The following KALRN variants were observed in gnomAD, a reference collection of about 807,000 sequenced individuals.
KALRN encodes the protein kalirin.
Under a neutral mutation model 353.7 loss-of-function variants are expected in KALRN, and 70 were observed. That is an observed-to-expected ratio of 0.20 (90% confidence interval 0.16 to 0.24). KALRN has a LOEUF of 0.24. Among genes scored for constraint, KALRN ranks in the 10% least tolerant of loss-of-function variants. The pLI is 1.00. For missense variants in KALRN, 2,791 were observed against 3,756.7 expected, an observed-to-expected ratio of 0.74 and a Z score of 6.72; for synonymous variants, 1,391 against 1,434.8, an observed-to-expected ratio of 0.97 and a Z score of 0.69.
intron 10 of KALRN, among the ~76,000 whole-genome samples, chr3:124,350,827 A>G (rs557649810): frequency 6.6e-6 from 1 of 152,342 alleles, no homozygotes; most frequent in East Asian, 1.9e-4. Context: ...TCTGAAAAGG[A>G]GAAAAGCAGA....
At chr3:124,052,236 T>A (rs144855153) in intron 1 of KALRN, among the ~76,000 whole-genome samples, 148 of 152,316 alleles carry the variant, frequency 9.7e-4, no homozygotes, top group African/African-American at 3.3e-3. Context: ...TTGGGGAGGA[T>A]CATCCTGACA....
intron 50 of KALRN, 24 bp downstream of exon 50, chr3:124,678,337 C>T (rs757232026): frequency 2.5e-5 from 41 of 1,610,634 alleles, no homozygotes; most frequent in Middle Eastern, 1.6e-4. Flanking sequence ...TCCGGAGCTG[C>T]GTCCCCACCT....
intron 33 of KALRN, chr3:124,562,620 C>CGCCG: frequency 1.0e-4 from 37 of 357,530 alleles, no homozygotes; most frequent in South Asian, 2.4e-4. Context: ...TAGCACTGTG[C>CGCCG]TAATTACATT....
At chr3:124,228,154 G>A in intron 2 of KALRN, 90 bp downstream of exon 2, 1 of 1,049,938 alleles carries the variant, frequency 9.5e-7, no homozygotes, top group South Asian at 1.3e-5. Flanking sequence ...GTTAGTAGGG[G>A]AGAAGTAGGG....
chr3:124,446,697 A>G (rs2093851010), intron 20 of KALRN, 66 bp from the exon 21 acceptor site: 5 of 1,594,324 alleles, frequency 3.1e-6, no homozygotes, highest in Non-Finnish European at 4.3e-6. Context: ...CCTTCATTGT[A>G]GTATGGCATG....
At chr3:124,187,124 AGGCTGGAGTGCAGT>A (rs2074329283) in intron 1 of KALRN, among the ~76,000 whole-genome samples, 1 of 152,186 alleles carries the variant, frequency 6.6e-6, no homozygotes, top group African/African-American at 2.4e-5. Context: ...TCTGTCGCCC[AGGCTGGAGTGCAGT>A]GGCTTGATCT....
chr3:124,440,233 A>G (rs1437987335), intron 18 of KALRN, among the ~76,000 whole-genome samples: 6 of 152,186 alleles, frequency 3.9e-5, no homozygotes, highest in Admixed American at 1.3e-4. Flanking sequence ...GGAACAATTT[A>G]AGTAGAGCAT....
chr3:124,256,245 G>A (rs1010183150), intron 3 of KALRN, among the ~76,000 whole-genome samples: 6 of 152,190 alleles, frequency 3.9e-5, no homozygotes, highest in African/African-American at 1.2e-4. Context: ...TTGGCCTGGG[G>A]TTGTCATTGA....
intron 57 of KALRN, among the ~76,000 whole-genome samples, chr3:124,702,321 C>T (rs1346287845): frequency 1.3e-5 from 2 of 152,178 alleles, no homozygotes; most frequent in Non-Finnish European, 2.9e-5. Context: ...CAGTTGTCAA[C>T]CTTTCTTCTT....
chr3:124,596,301 T>C (rs999096904), intron 34 of KALRN, among the ~76,000 whole-genome samples: 1 of 151,852 alleles, frequency 6.6e-6, no homozygotes, highest in Non-Finnish European at 1.5e-5. Context: ...CTGACCAACA[T>C]GGTGAAAATA....
intron 10 of KALRN, among the ~76,000 whole-genome samples, chr3:124,347,966 A>G (rs1056511948): frequency 9.9e-5 from 15 of 152,220 alleles, no homozygotes; most frequent in Non-Finnish European, 2.1e-4. Flanking sequence ...GTCTAATAGT[A>G]TAATTGTTTT....
At position 124,717,262 on chromosome 3, in the gene KALRN, G is replaced by T. The variant is rs1289773543; in HGVS notation, c.8292G>T (p.Arg2764=). 5 of 1,602,154 alleles carry T rather than the reference G, an allele frequency of 3.1e-6. No homozygotes were observed. The highest frequency in any genetic ancestry group is 4.3e-6 in the Non-Finnish European group (5 of 1,175,244). Reference sequence around the variant, plus strand: ...CTACTTTCAGGATGGATGATGGCCGGCTCTTAGACTACCTTATGAATCATG... The same window carrying T: ...CTACTTTCAGGATGGATGATGGCCGTCTCTTAGACTACCTTATGAATCATG... ...ILILELMDDG[R]LLDYLMNHDE... Residue 2764 remains arginine (R), a synonymous_variant, in exon 59 of 60, where the codon CGG becomes CGT. Transcript: ENST00000682506.
At chr3:124,135,378 A>T (rs1338064763) in intron 1 of KALRN, among the ~76,000 whole-genome samples, 2 of 152,050 alleles carry the variant, frequency 1.3e-5, no homozygotes, top group Non-Finnish European at 2.9e-5. Flanking sequence ...GCTTGTGGGG[A>T]AGAGTGGGAG....
intron 5 of KALRN, among the ~76,000 whole-genome samples, chr3:124,287,416 C>T (rs932847884): frequency 6.6e-6 from 1 of 151,942 alleles, no homozygotes; most frequent in African/African-American, 2.4e-5. Flanking sequence ...AGCCTCCTTA[C>T]CAGTCCCTGA....
At chr3:124,531,131 C>T (rs994117270) in intron 33 of KALRN, among the ~76,000 whole-genome samples, 1 of 152,194 alleles carries the variant, frequency 6.6e-6, no homozygotes, top group African/African-American at 2.4e-5. Context: ...CAATTAAATG[C>T]TCCAAACTGG....
intron 41 of KALRN, 106 bp from the exon 42 acceptor site, chr3:124,658,325 A>G: frequency 2.4e-6 from 2 of 826,042 alleles, no homozygotes; most frequent in Non-Finnish European, 4.2e-6. Flanking sequence ...TGCGTCCCCA[A>G]GTGCGCCTTT....
At chr3:124,624,519 T>A (rs570278724) in intron 34 of KALRN, among the ~76,000 whole-genome samples, 182 of 152,316 alleles carry the variant, frequency 1.2e-3, no homozygotes, top group African/African-American at 4.1e-3. Context: ...ATTACTGTAC[T>A]GTGATTAAAA....
At position 124,471,745 on chromosome 3, in the gene KALRN, C is replaced by T. The variant is rs952577953; in HGVS notation, c.4032-2918C>T. 8.6e-5 allele frequency among the ~76,000 whole-genome samples: 13 copies of T among 151,840 alleles called. 1 individual carries two copies. The East Asian group carries it at 1.2e-3, about 14-fold the overall frequency. On this transcript the variant is annotated intron_variant, in intron 25 of 59. Transcript: ENST00000682506. Reference sequence around the variant, plus strand: ...TTGGGAGGCCGAGGTGGGCGGATCACGAGGTCAGGAGATCAAGACCATCCT... The same window carrying T: ...TTGGGAGGCCGAGGTGGGCGGATCATGAGGTCAGGAGATCAAGACCATCCT...
Position 124,227,663 on chromosome 3 carries a change from G to GTT in KALRN, c.74-286_74-285dup, listed in dbSNP as rs747087120. ...CAAGTTGCTCAATAGCAACAGGGCT[G>GTT]TTTTTTTTTTTTTTTTTTTTTTTTT... On this transcript the variant is annotated intron_variant, in intron 1 of 59. Transcript: ENST00000682506. Among the ~76,000 whole-genome samples, 162 of 69,242 alleles carry GTT rather than the reference G, an allele frequency of 2.3e-3. 24 individuals are homozygous for GTT. The highest frequency in any genetic ancestry group is 3.4e-3 in the Non-Finnish European group (116 of 34,492). 45.4% of individuals were successfully genotyped at this position (69,242 alleles called of 152,430 possible).
Sources: allele counts gnomAD v4.1 joint callset (sites outside exome capture counted in the v4.1 genomes callset), GRCh38; gene constraint gnomAD v4.1.1; transcripts MANE v1.5; gene names NCBI Gene and HGNC (gene_info 2026-07-23, HGNC 2026-07-21).